STARD13: variants seen among roughly 807,000 people sequenced by gnomAD.
STARD13 encodes stAR-related lipid transfer protein 13.
Under a neutral mutation model 106.4 loss-of-function variants are expected in STARD13, and 62 were observed. That is an observed-to-expected ratio of 0.58 (90% CI 0.48 to 0.72). The LOEUF is 0.72. Ranked by LOEUF, STARD13 falls within the 30% of genes least tolerant of loss-of-function variation. The pLI, the probability that STARD13 is intolerant of heterozygous loss-of-function variation, is 0.00. For synonymous variants in STARD13, 565 were observed against 553.0 expected, an observed-to-expected ratio of 1.02 and a Z score of -0.31; for missense variants, 1,387 against 1,424.0, an observed-to-expected ratio of 0.97 and a Z score of 0.42.
At chr13:33,607,905 A>G in the STARD13 span, among the ~76,000 whole-genome samples, 4 of 152,130 alleles carry the variant, frequency 2.6e-5, no homozygotes, top group African/African-American at 9.7e-5. Context: ...AATGTCCAAT[A>G]TCTCTAAAGA....
chr13:33,638,236 G>A, the STARD13 span, among the ~76,000 whole-genome samples: 7 of 152,076 alleles, frequency 4.6e-5, no homozygotes, highest in Non-Finnish European at 7.4e-5. Context: ...GCTACAGCTC[G>A]GTTTTACACA....
intron 1 of STARD13, chr13:33,336,459 T>C (rs1346332716): frequency 6.6e-6 from 1 of 152,184 alleles, no homozygotes; most frequent in Non-Finnish European, 1.5e-5. Flanking sequence ...TGGCTGATTA[T>C]AAGCTGCCTG....
At chr13:33,550,822 C>T in the STARD13 span, among the ~76,000 whole-genome samples, 1 of 152,128 alleles carries the variant, frequency 6.6e-6, no homozygotes, top group Admixed American at 6.5e-5. Context: ...TTTTCATTAA[C>T]TTCTGTTCAT....
the STARD13 span, among the ~76,000 whole-genome samples, chr13:33,495,807 TTTA>T: frequency 6.8e-6 from 1 of 147,172 alleles, no homozygotes; most frequent in Non-Finnish European, 1.5e-5. Context: ...ATATAATCAT[TTTA>T]TTATTACATA....
the STARD13 span, among the ~76,000 whole-genome samples, chr13:33,641,758 A>T: frequency 9.9e-5 from 15 of 152,016 alleles, no homozygotes; most frequent in Admixed American, 9.8e-4. Context: ...TATTATTCTC[A>T]TTTGTTCGAG....
At chr13:33,466,013 T>C in the STARD13 span, among the ~76,000 whole-genome samples, 1 of 152,166 alleles carries the variant, frequency 6.6e-6, no homozygotes, top group Non-Finnish European at 1.5e-5. Flanking sequence ...GAGGAACTCT[T>C]ATCTCTCCGA....
chr13:33,129,393 G>T lies in STARD13; in HGVS notation c.1284C>A (p.Thr428=). The change falls in exon 5 of 14, where the codon ACC becomes ACA. Residue 428 remains threonine (T), a synonymous_variant. Transcript: ENST00000336934. Reference sequence around the variant, plus strand: ...GCTCTCTGCCCAGGGAGATGCTACCGGTCCTCCAATTAACCCCATTGCTAC... The same window carrying T: ...GCTCTCTGCCCAGGGAGATGCTACCTGTCCTCCAATTAACCCCATTGCTAC... ...TDSSNGVNWR[T]GSISLGREQV... is the part of the protein sequence containing the mutation. 1 of 1,614,140 alleles carries T rather than the reference G, an allele frequency of 6.2e-7. No individual in the cohort carries two copies. Among genetic ancestry groups the T allele is most frequent in the South Asian group, 1.1e-5 (1 of 91,072 alleles).
chr13:33,614,982 C>T, the STARD13 span, among the ~76,000 whole-genome samples: 158 of 152,278 alleles, frequency 1.0e-3, no homozygotes, highest in African/African-American at 3.6e-3. Context: ...CTCACCCAAG[C>T]TGCCAGGTGC....
At chr13:33,432,921 A>C in the STARD13 span, among the ~76,000 whole-genome samples, 22 of 152,362 alleles carry the variant, frequency 1.4e-4, no homozygotes, top group East Asian at 3.9e-3. Flanking sequence ...CATTAAATTT[A>C]TATTACTTAA....
At chr13:33,149,941 C>T (rs1162573392) in intron 3 of STARD13, among the ~76,000 whole-genome samples, 2 of 152,232 alleles carry the variant, frequency 1.3e-5, no homozygotes, top group Non-Finnish European at 2.9e-5. Flanking sequence ...TAAAATCCTT[C>T]AGATAATCTG....
At chr13:33,355,242 T>C (rs1034867387), upstream of STARD13, 2 of 152,216 alleles carry the variant, frequency 1.3e-5, no homozygotes, top group Non-Finnish European at 2.9e-5. Context: ...ACCCACCACC[T>C]ACACATCTGA....
At chr13:33,243,428 A>G (rs1203031134) in intron 1 of STARD13, among the ~76,000 whole-genome samples, 3 of 152,198 alleles carry the variant, frequency 2.0e-5, no homozygotes, top group Non-Finnish European at 4.4e-5. Flanking sequence ...CAGGGTGAAG[A>G]GTACCTGGGT....
chr13:33,105,977 A>G (rs148788788), intron 13 of STARD13, among the ~76,000 whole-genome samples: 2,405 of 152,360 alleles, frequency 0.016, 62 homozygotes, highest in African/African-American at 0.055. Context: ...AAAGATTCAG[A>G]TGAAATCCAG....
the STARD13 span, among the ~76,000 whole-genome samples, chr13:33,657,643 T>C: frequency 1.3e-5 from 2 of 152,280 alleles, no homozygotes; most frequent in African/African-American, 4.8e-5. Flanking sequence ...CATAGGTATA[T>C]AAACTTCCTT....
At chr13:33,168,844 A>G (rs1883624130) in intron 1 of STARD13, among the ~76,000 whole-genome samples, 1 of 152,256 alleles carries the variant, frequency 6.6e-6, no homozygotes, top group South Asian at 2.1e-4. Context: ...AATAGACCAA[A>G]GGCCAGATCT....
the STARD13 span, among the ~76,000 whole-genome samples, chr13:33,528,138 C>G: frequency 1.4e-5 from 2 of 146,668 alleles, no homozygotes; most frequent in Non-Finnish European, 3.0e-5. Flanking sequence ...AGTTTAAACA[C>G]ATATCAAAGT....
At chr13:33,657,848 G>A in the STARD13 span, among the ~76,000 whole-genome samples, 1 of 152,046 alleles carries the variant, frequency 6.6e-6, no homozygotes, top group Non-Finnish European at 1.5e-5. Flanking sequence ...ATGATTATGG[G>A]TGTTTTTCTA....
chr13:33,672,837 G>A, the STARD13 span, among the ~76,000 whole-genome samples: 522 of 152,262 alleles, frequency 3.4e-3, 2 homozygotes, highest in African/African-American at 0.012. Context: ...TCCATCTACA[G>A]GCTAGTAACA....
chr13:33,308,566 C>T (rs1253680153), intron 1 of STARD13, among the ~76,000 whole-genome samples: 2 of 141,816 alleles, frequency 1.4e-5, no homozygotes, highest in Non-Finnish European at 3.0e-5. Context: ...TCTTATCGCC[C>T]AGGCTGGAGA....
Sources: gnomAD v4.1 joint callset for allele counts (sites outside exome capture counted in the v4.1 genomes callset) on GRCh38, gnomAD v4.1.1 for gene constraint, MANE v1.5 for transcripts, NCBI Gene and HGNC (gene_info 2026-07-23, HGNC 2026-07-21) for gene names.